Variants in EMC2 observed in about 807,000 individuals in gnomAD.
EMC2 encodes TPR repeat protein 35.
Under a neutral mutation model 51.6 loss-of-function variants are expected in EMC2, and 37 were observed. The ratio of observed to expected loss-of-function variants is 0.72; its 90% CI spans 0.55 to 0.94. EMC2 has a LOEUF of 0.94. Among genes scored for constraint, EMC2 ranks in the 40% least tolerant of loss-of-function variants. The pLI is 0.00. For synonymous variants in EMC2, 131 were observed against 112.4 expected (o/e 1.17, Z -1.04); for missense variants, 359 against 350.9 (o/e 1.02, Z -0.18).
chr8:108,453,924 T>G (rs1029325616), intron 4 of EMC2, among the ~76,000 whole-genome samples: 1 of 152,242 alleles, frequency 6.6e-6, no homozygotes, highest in Admixed American at 6.5e-5. Context: ...TAATAAGGAT[T>G]GTTGTGTTTT....
chr8:108,479,039 A>G lies in EMC2; in HGVS notation c.736A>G (p.Ser246Gly), dbSNP rs1810999681. Residue 246 changes from serine (S) to glycine (G), a missense_variant, in exon 10 of 11, where the codon AGT becomes GGT. Coordinates refer to ENST00000220853, the MANE Select transcript of EMC2 (RefSeq NM_014673.5). The stretch of plus-strand genomic sequence containing the variant: ...TCATATTGCTTCTAATCCAAAAGCA[A>G]GTGCAAAAACGAAAAAGGACAACAT... ...ASHIASNPKA[S>G]AKTKKDNMKY... 2 of 1,582,136 alleles carry G rather than the reference A, an allele frequency of 1.3e-6. No homozygotes were observed. Among genetic ancestry groups the G allele is most frequent in the East Asian group, 2.3e-5 (1 of 43,100 alleles).
chr8:108,485,525 TATATATA>T (rs1420487389), intron 10 of EMC2, among the ~76,000 whole-genome samples: 1 of 114,580 alleles, frequency 8.7e-6, no homozygotes, highest in Non-Finnish European at 1.7e-5. Context: ...TATATATACA[TATATATA>T]ATATATATAT....
At chr8:108,463,726 A>G (rs914370460) in intron 5 of EMC2, among the ~76,000 whole-genome samples, 1 of 151,942 alleles carries the variant, frequency 6.6e-6, no homozygotes, top group African/African-American at 2.4e-5. Flanking sequence ...GTCGATTTTT[A>G]TTCAGGCTTC....
intron 7 of EMC2, chr8:108,474,188 T>A (rs1810907799): frequency 6.6e-6 from 1 of 152,008 alleles, no homozygotes; most frequent in African/African-American, 2.4e-5. Flanking sequence ...TAAGAGCTGC[T>A]ACTACCTGCC....
intron 3 of EMC2, among the ~76,000 whole-genome samples, chr8:108,451,560 G>GT (rs1450793666): frequency 6.6e-6 from 1 of 152,012 alleles, no homozygotes; most frequent in Non-Finnish European, 1.5e-5. Flanking sequence ...AGGTTGGGTT[G>GT]GCTATACATG....
chr8:108,457,015 AATCTT>A (rs551222185), intron 5 of EMC2, among the ~76,000 whole-genome samples: 37 of 152,202 alleles, frequency 2.4e-4, no homozygotes, highest in Non-Finnish European at 3.5e-4. Flanking sequence ...TACATTAAAA[AATCTT>A]ATATAATGTC....
At chr8:108,471,869 A>G (rs1244969843) in intron 7 of EMC2, among the ~76,000 whole-genome samples, 1 of 151,980 alleles carries the variant, frequency 6.6e-6, no homozygotes, top group Non-Finnish European at 1.5e-5. Flanking sequence ...ATTGTTCCCT[A>G]GAATGGTAAC....
chr8:108,485,552 TATACAC>T (rs139337553), intron 10 of EMC2, among the ~76,000 whole-genome samples: 96,021 of 140,844 alleles, frequency 0.68, 33,385 homozygotes, highest in African/African-American at 0.81. Context: ...TGTATATATA[TATACAC>T]ACACACACAC....
intron 5 of EMC2, among the ~76,000 whole-genome samples, chr8:108,458,392 C>G (rs567024407): frequency 6.6e-6 from 1 of 152,234 alleles, no homozygotes; most frequent in African/African-American, 2.4e-5. Context: ...CCATACTACC[C>G]TAGCAGAGGT....
chr8:108,462,308 A>G (rs7839122), intron 5 of EMC2, among the ~76,000 whole-genome samples: 25,370 of 152,000 alleles, frequency 0.17, 3,785 homozygotes, highest in African/African-American at 0.4. Context: ...AGATCATGCC[A>G]TGTCATCACA....
At chr8:108,480,895 CTTTGT>C (rs2130413403) in intron 10 of EMC2, among the ~76,000 whole-genome samples, 1 of 152,190 alleles carries the variant, frequency 6.6e-6, no homozygotes, top group East Asian at 1.9e-4. Context: ...TTACATTTAT[CTTTGT>C]TTTGGAGCTT....
At chr8:108,473,881 T>A (rs1436700721) in intron 7 of EMC2, 2 of 152,062 alleles carry the variant, frequency 1.3e-5, no homozygotes, top group Middle Eastern at 3.2e-3. Context: ...ATTCTTAGTC[T>A]TGTTGAGTCA....
intron 8 of EMC2, 94 bp from the exon 9 acceptor site, chr8:108,476,686 CTG>C (rs1810953010): frequency 3.3e-6 from 2 of 613,974 alleles, no homozygotes; most frequent in Non-Finnish European, 5.9e-6. Flanking sequence ...CAGAGAATAT[CTG>C]TTTCGATTAC....
chr8:108,447,880 G>A (rs1393687394), intron 1 of EMC2, among the ~76,000 whole-genome samples: 1 of 152,000 alleles, frequency 6.6e-6, no homozygotes, highest in Non-Finnish European at 1.5e-5. Flanking sequence ...AAAGAGTGAG[G>A]GAAGAGCCTT....
At chr8:108,453,016 AT>A in intron 3 of EMC2, 45 bp from the exon 4 acceptor site, 1 of 1,047,518 alleles carries the variant, frequency 9.5e-7, no homozygotes, top group Non-Finnish European at 1.4e-6. Flanking sequence ...ATTGTAGCCC[AT>A]TTAGTATAAA....
At chr8:108,454,306 C>G (rs188245359) in intron 4 of EMC2, among the ~76,000 whole-genome samples, 14 of 152,052 alleles carry the variant, frequency 9.2e-5, no homozygotes, top group Admixed American at 1.3e-4. Flanking sequence ...TGTTTTCTGC[C>G]TTCTCTGATT....
Position 108,486,708 on chromosome 8 carries a change from T to C in EMC2, c.*110T>C, listed in dbSNP as rs1002913906. Reference sequence around the variant, plus strand: ...CTATTTATATACTACAGTAATTTTCTGTTAAGAAGGCAGTTGTAAAGAATG... The same window carrying C: ...CTATTTATATACTACAGTAATTTTCCGTTAAGAAGGCAGTTGTAAAGAATG... On this transcript the variant is annotated 3_prime_UTR_variant, in exon 11 of 11. Coordinates refer to ENST00000220853, the MANE Select transcript of EMC2 (RefSeq NM_014673.5). 8.9e-7 allele frequency: 1 copy of C among 1,119,478 alleles called. No individual in the cohort carries two copies. Among genetic ancestry groups the C allele is most frequent in the African/African-American group, 1.6e-5 (1 of 61,782 alleles). 69.3% of individuals were successfully genotyped at this position (1,119,478 alleles called of 1,614,324 possible).
At chr8:108,470,428 A>G (rs1810831939) in intron 7 of EMC2, among the ~76,000 whole-genome samples, 1 of 152,158 alleles carries the variant, frequency 6.6e-6, no homozygotes, top group African/African-American at 2.4e-5. Flanking sequence ...AGCTAAGTTT[A>G]TTTTTGGTAA....
intron 5 of EMC2, among the ~76,000 whole-genome samples, chr8:108,463,505 A>G (rs1041540912): frequency 2.6e-5 from 4 of 152,200 alleles, no homozygotes; most frequent in African/African-American, 9.7e-5. Flanking sequence ...GTAGGCTTCC[A>G]GCGAATACTT....
Sources: allele counts gnomAD v4.1 joint callset (sites outside exome capture counted in the v4.1 genomes callset), GRCh38; gene constraint gnomAD v4.1.1; transcripts MANE v1.5; gene names NCBI Gene and HGNC (gene_info 2026-07-23, HGNC 2026-07-21).